LNP1: variants seen among roughly 807,000 people sequenced by gnomAD.
LNP1 encodes the protein leukemia NUP98 fusion partner 1.
A neutral mutation model predicts 14.5 loss-of-function variants in LNP1; 12 were observed. That is an observed-to-expected ratio of 0.83 (90% CI 0.53 to 1.34). The LOEUF is 1.34. Ranked by LOEUF, LNP1 falls within the 40% of genes most tolerant of loss-of-function variation. The pLI, the probability that LNP1 is intolerant of heterozygous loss-of-function variation, is 0.00. For synonymous variants in LNP1, 75 were observed against 71.4 expected, an observed-to-expected ratio of 1.05 and a Z score of -0.26; for missense variants, 198 against 210.9, an observed-to-expected ratio of 0.94 and a Z score of 0.38.
At chr3:100,454,007 C>T (rs1343264140) in intron 3 of LNP1, among the ~76,000 whole-genome samples, 1 of 152,026 alleles carries the variant, frequency 6.6e-6, no homozygotes, top group Non-Finnish European at 1.5e-5. Flanking sequence ...TTGTCTTTCA[C>T]GACATTAGCT....
chr3:100,441,069 G>A (rs1410056723), intron 2 of LNP1, among the ~76,000 whole-genome samples: 2 of 152,192 alleles, frequency 1.3e-5, no homozygotes, highest in Non-Finnish European at 1.5e-5. Flanking sequence ...AGGAAAGATA[G>A]AAAAGGAAGA....
chr3:100,416,091 A>G (rs1437203835), intron 1 of LNP1, among the ~76,000 whole-genome samples: 3 of 152,224 alleles, frequency 2.0e-5, no homozygotes, highest in Non-Finnish European at 4.4e-5. Context: ...CAGAAGGCAG[A>G]TAATGTCTGA....
chr3:100,441,565 T>G (rs1707344241), intron 2 of LNP1, among the ~76,000 whole-genome samples: 1 of 152,096 alleles, frequency 6.6e-6, no homozygotes, highest in Non-Finnish European at 1.5e-5. Flanking sequence ...CAGCAAATTT[T>G]TTAAAGTTCA....
intron 1 of LNP1, among the ~76,000 whole-genome samples, chr3:100,414,680 G>C (rs1015557231): frequency 4.6e-5 from 7 of 152,186 alleles, no homozygotes; most frequent in African/African-American, 7.2e-5. Context: ...GAAGCAAACT[G>C]CTTATGGAGG....
intron 1 of LNP1, among the ~76,000 whole-genome samples, chr3:100,410,471 G>T (rs1559839479): frequency 6.6e-6 from 1 of 152,194 alleles, no homozygotes; most frequent in Non-Finnish European, 1.5e-5. Flanking sequence ...TGCAAGTGAT[G>T]AAATTGGATA....
chr3:100,403,541 T>C (rs1161539588), intron 1 of LNP1, among the ~76,000 whole-genome samples: 1 of 151,882 alleles, frequency 6.6e-6, no homozygotes, highest in Non-Finnish European at 1.5e-5. Context: ...CTTGGCTCAC[T>C]GCAGCCTCTG....
intron 2 of LNP1, among the ~76,000 whole-genome samples, chr3:100,446,257 G>C (rs2148907243): frequency 6.6e-6 from 1 of 152,210 alleles, no homozygotes; most frequent in Middle Eastern, 3.4e-3. Flanking sequence ...CAGATATATA[G>C]ACCAATGGAA....
At chr3:100,429,533 C>G (rs751371298) in intron 1 of LNP1, among the ~76,000 whole-genome samples, 164 bp from the exon 2 acceptor site, 4 of 152,140 alleles carry the variant, frequency 2.6e-5, no homozygotes, top group African/African-American at 4.8e-5. Context: ...AGACATTGCC[C>G]AAGGCTGCCT....
chr3:100,416,598 T>TG (rs779451676), intron 1 of LNP1, among the ~76,000 whole-genome samples: 11,478 of 71,968 alleles, frequency 0.16, 685 homozygotes, highest in African/African-American at 0.27. Flanking sequence ...GTATATCTTT[T>TG]TTGTGTGTGT....
At chr3:100,452,164 A>G (rs927123708) in intron 3 of LNP1, among the ~76,000 whole-genome samples, 2 of 151,840 alleles carry the variant, frequency 1.3e-5, no homozygotes, top group Non-Finnish European at 2.9e-5. Flanking sequence ...AAGATTTCCC[A>G]GAACATTTTT....
chr3:100,421,439 C>T (rs1000166356), intron 1 of LNP1, among the ~76,000 whole-genome samples: 1 of 152,146 alleles, frequency 6.6e-6, no homozygotes, highest in African/African-American at 2.4e-5. Flanking sequence ...ATCTGGGCAC[C>T]ATGGACCAGT....
rs1576236968 is a variant in LNP1, at chr3:100,447,944, A to G, written c.157-3775A>G. ...TGACACACCTTTTCTTTAAGAAAGA[A>G]TGTTTTCCTACAAATATATTTTTAA... On this transcript the variant is annotated intron_variant, in intron 2 of 3. Transcript: ENST00000383693. Among the ~76,000 whole-genome samples the G allele has an allele frequency of 5.3e-5, 8 of 152,318 alleles. No individual in the cohort carries two copies. In the South Asian group the frequency reaches 1.7e-3, roughly 32 times the overall value.
intron 2 of LNP1, among the ~76,000 whole-genome samples, chr3:100,443,639 G>C (rs113997059): frequency 6.6e-6 from 1 of 152,176 alleles, no homozygotes; most frequent in Non-Finnish European, 1.5e-5. Context: ...CAGGAATTGC[G>C]TAGACAAGTT....
intron 2 of LNP1, among the ~76,000 whole-genome samples, chr3:100,443,665 C>G (rs1035281025): frequency 6.6e-6 from 1 of 152,146 alleles, no homozygotes; most frequent in African/African-American, 2.4e-5. Context: ...CCAGTTTTCC[C>G]CAGGGATTTT....
At chr3:100,420,278 GTTTTC>G (rs1157003297) in intron 1 of LNP1, among the ~76,000 whole-genome samples, 14 of 152,000 alleles carry the variant, frequency 9.2e-5, no homozygotes, top group African/African-American at 3.1e-4. Flanking sequence ...TTGTTTTCTT[GTTTTC>G]TTTTCTTTGC....
intron 2 of LNP1, among the ~76,000 whole-genome samples, chr3:100,431,810 T>C (rs1479615028): frequency 2.3e-5 from 3 of 133,198 alleles, no homozygotes; most frequent in African/African-American, 8.7e-5. Flanking sequence ...CTGGGCAACA[T>C]AGTGAGACTC....
intron 2 of LNP1, among the ~76,000 whole-genome samples, chr3:100,437,261 G>A (rs1416861173): frequency 3.3e-5 from 5 of 152,158 alleles, no homozygotes; most frequent in Admixed American, 3.3e-4. Context: ...CTGCAGCTTC[G>A]GGATGAGTAA....
rs1271488596 is a variant in LNP1, at chr3:100,436,819, GATGAGTTC to G, written c.156+6940_156+6947del. 2.0e-5 allele frequency among the ~76,000 whole-genome samples: 3 copies of G among 152,290 alleles called. No individual in the cohort carries two copies. In the East Asian group the frequency reaches 5.8e-4, roughly 29 times the overall value. On this transcript the variant is annotated intron_variant, in intron 2 of 3. Transcript: ENST00000383693. ...AGCCTTTGGGAGATAATTAGGGTTA[GATGAGTTC>G]ATGAGGGTGGGGTCCTGGCCTAATG... is the stretch of plus-strand genomic sequence containing the variant.
chr3:100,421,149 CT>C (rs1033706353), intron 1 of LNP1, among the ~76,000 whole-genome samples: 5 of 152,088 alleles, frequency 3.3e-5, no homozygotes, highest in African/African-American at 1.2e-4. Flanking sequence ...GGGCTGAAGA[CT>C]CATTTTTTTA....
Sources: allele counts gnomAD v4.1 joint callset (sites outside exome capture counted in the v4.1 genomes callset), GRCh38; gene constraint gnomAD v4.1.1; transcripts MANE v1.5; gene names NCBI Gene and HGNC (gene_info 2026-07-23, HGNC 2026-07-21).